MAPK8IP2: variants seen among roughly 807,000 people sequenced by gnomAD.
MAPK8IP2 encodes the protein C-Jun-amino-terminal kinase-interacting protein 2.
A neutral mutation model predicts 75.6 loss-of-function variants in MAPK8IP2; 15 were observed. That is an observed-to-expected ratio of 0.20 (90% CI 0.13 to 0.31). MAPK8IP2 has a LOEUF of 0.31. MAPK8IP2 is among the 10% of genes least tolerant of loss of function. The probability of loss-of-function intolerance (pLI) is 1.00; values close to 1 mark genes in which losing one functional copy is unlikely to be tolerated. For missense variants in MAPK8IP2, 1,089 were observed against 1,211.2 expected, an observed-to-expected ratio of 0.90 and a Z score of 1.50; for synonymous variants, 632 against 554.5, an observed-to-expected ratio of 1.14 and a Z score of -1.96.
At position 50,603,054 on chromosome 22, in the gene MAPK8IP2, T is replaced by C. The variant is rs916414587; in HGVS notation, c.172-169T>C. 3 of 1,416,682 alleles carry C rather than the reference T, an allele frequency of 2.1e-6. No individual in the cohort carries two copies. The Admixed American group carries it at 6.9e-5, about 32-fold the overall frequency. The allele number at this position is 1,416,682 out of a possible 1,614,324, so 87.8% of individuals were successfully genotyped here. A position where few individuals can be genotyped will look rare whatever the true frequency, so the allele number is the denominator to read the frequency against. On this transcript the variant is annotated intron_variant, in intron 2 of 11. Coordinates refer to ENST00000329492, the MANE Select transcript of MAPK8IP2 (RefSeq NM_012324.6). ...TTCCCAAGAACTGGAGTGATCCCAATGTGTGTTAGGCAGATTTTGAAAACA... is the reference window on the plus strand; with the variant it reads ...TTCCCAAGAACTGGAGTGATCCCAACGTGTGTTAGGCAGATTTTGAAAACA...
rs747214831 is a variant in MAPK8IP2 at position 50,610,065 on chromosome 22, A to C, written c.2304-147A>C. 4 of 725,678 alleles carry C rather than the reference A, an allele frequency of 5.5e-6. No homozygotes were observed. The East Asian group carries it at 1.1e-4, about 19-fold the overall frequency. The allele number at this position is 725,678 out of a possible 1,614,324, so 45.0% of individuals were successfully genotyped here. On this transcript the variant is annotated intron_variant, in intron 10 of 11. Transcript: ENST00000329492. The surrounding 1 kb of genome is among the most constrained non-coding windows in gnomAD (Gnocchi z 4.3). ...GCTGAAACCAAAAAAAGACAACTTC[A>C]GATCTTGAAATTGTGCGACCCCCAC... is the stretch of plus-strand genomic sequence containing the variant.
chr22:50,610,279 G>A lies in MAPK8IP2; in HGVS notation c.2371G>A (p.Glu791Lys), dbSNP rs2071126449. Reference protein sequence around the residue: ...RFACHVFVSQESMRPVAQSVG... With the variant: ...RFACHVFVSQKSMRPVAQSVG... Reference sequence around the variant, plus strand: ...CGCCTGCCACGTCTTTGTCTCCCAGGAGTCCATGAGGCCGGTGGCGCAGAG... The same window carrying A: ...CGCCTGCCACGTCTTTGTCTCCCAGAAGTCCATGAGGCCGGTGGCGCAGAG... Residue 791 changes from glutamate to lysine, a missense_variant, in exon 11 of 12, where the codon GAG becomes AAG. Physicochemically the swap from Glu to Lys is moderately conservative, Grantham distance 56 (BLOSUM62 1). Coordinates refer to ENST00000329492, the MANE Select transcript of MAPK8IP2 (RefSeq NM_012324.6). The surrounding 1 kb of genome is among the most constrained non-coding windows in gnomAD (Gnocchi z 4.3). The A allele has an allele frequency of 6.2e-7, 1 of 1,608,632 alleles. No individual in the cohort carries two copies. The highest frequency in any genetic ancestry group is 1.3e-5 in the African/African-American group (1 of 74,842).
At position 50,612,221 on chromosome 22, in the gene MAPK8IP2, A is replaced by T. The variant is rs547569175; in HGVS notation, c.*1442A>T. On this transcript the variant is annotated 3_prime_UTR_variant, in exon 12 of 12. Coordinates refer to ENST00000329492, the MANE Select transcript of MAPK8IP2 (RefSeq NM_012324.6). ...TACTTAGATCTTAAAATGGATATTT[A>T]AAAAATTCTCCAGAGAAAGCCAGAA... The T allele has an allele frequency of 6.6e-6, 1 of 152,320 alleles. No individual in the cohort carries two copies. The highest frequency in any genetic ancestry group is 2.4e-5 in the African/African-American group (1 of 41,558). The allele number at this position is 152,320 out of a possible 1,614,324, so 9.4% of individuals were successfully genotyped here.
Position 50,604,557 on chromosome 22 carries a change from C to T in MAPK8IP2, c.1258C>T (p.Pro420Ser). ...DMETLCAPPP[P>S]APAAPRPGPA... Reference sequence around the variant, plus strand: ...GGAGACGCTGTGCGCGCCGCCGCCGCCCGCGCCCGCCGCGCCTCGACCCGG... The same window carrying T: ...GGAGACGCTGTGCGCGCCGCCGCCGTCCGCGCCCGCCGCGCCTCGACCCGG... The change falls in exon 5 of 12, where the codon CCC becomes TCC. Residue 420 changes from proline to serine, a missense_variant. Around this residue, in one of 2 missense-constraint regions of MAPK8IP2, gnomAD observed 960 missense variants for 1,009.6 expected, o/e 0.95. Transcript: ENST00000329492. 1 of 1,160,656 alleles carries T rather than the reference C, an allele frequency of 8.6e-7. No homozygotes were observed. Among genetic ancestry groups the T allele is most frequent in the Non-Finnish European group, 1.1e-6 (1 of 946,586 alleles). 71.9% of individuals were successfully genotyped at this position (1,160,656 alleles called of 1,614,324 possible). A position where few individuals can be genotyped will look rare whatever the true frequency, so the allele number is the denominator to read the frequency against.
chr22:50,607,134 T>C lies in MAPK8IP2; in HGVS notation c.2303+143T>C. 1.4e-6 allele frequency: 1 copy of C among 691,194 alleles called. No individual in the cohort carries two copies. Among genetic ancestry groups the C allele is most frequent in the Non-Finnish European group, 2.6e-6 (1 of 387,686 alleles). The allele number at this position is 691,194 out of a possible 1,614,324, so 42.8% of individuals were successfully genotyped here. The stretch of plus-strand genomic sequence containing the variant: ...CCTGCACCCACTTAGCTCTGTGAGC[T>C]GAGCCTGCAGTGGCGCCTGCTCTGA... On this transcript the variant is annotated intron_variant, in intron 10 of 11. Coordinates refer to ENST00000329492, the MANE Select transcript of MAPK8IP2 (RefSeq NM_012324.6). This position sits in a 1 kb window ranked among gnomAD's most constrained non-coding sequence, Gnocchi z 5.6.
At chr22:50,601,972 T>G (rs935741539) in intron 2 of MAPK8IP2, 78 bp downstream of exon 2, 22 of 1,225,818 alleles carry the variant, frequency 1.8e-5, no homozygotes, top group Non-Finnish European at 2.3e-5. Flanking sequence ...ACTTGGGGTT[T>G]TAGGGTGGGT....
intron 10 of MAPK8IP2, among the ~76,000 whole-genome samples, chr22:50,608,684 A>G (rs375022740): frequency 1.8e-4 from 22 of 123,650 alleles, no homozygotes; most frequent in African/African-American, 4.1e-4. Context: ...ACCAGACAGC[A>G]GGGACAGCTC....
Position 50,603,234 on chromosome 22 carries a change from C to T in MAPK8IP2, c.183C>T (p.Ser61=), listed in dbSNP as rs41282359. Residue 61 remains serine (S), a synonymous_variant, in exon 3 of 12, where the codon TCC becomes TCT. Transcript: ENST00000329492. ...DSDHCEKDSL[S]LGRSEQPHPI... ...CCTCCGTCCTGCAGGACAGCCTCTC[C>T]CTGGGGCGCTCGGAGCAGCCGCACC... 6.2e-7 allele frequency: 1 copy of T among 1,610,246 alleles called. No individual in the cohort carries two copies. Among genetic ancestry groups the T allele is most frequent in the South Asian group, 1.1e-5 (1 of 90,660 alleles).
intron 10 of MAPK8IP2, among the ~76,000 whole-genome samples, chr22:50,608,460 C>T (rs1223274165): frequency 4.9e-5 from 5 of 101,326 alleles, no homozygotes; most frequent in Admixed American, 1.1e-4. Flanking sequence ...GACCAGACAG[C>T]AGGGACAGCT....
chr22:50,606,256 C>A (rs1254539572), intron 8 of MAPK8IP2, among the ~76,000 whole-genome samples: 1 of 152,210 alleles, frequency 6.6e-6, no homozygotes, highest in Non-Finnish European at 1.5e-5. Flanking sequence ...ACAGCCCCTT[C>A]CCTGGGAGCC....
chr22:50,604,849 A>T lies in MAPK8IP2; in HGVS notation c.1550A>T (p.Glu517Val). ...GTCAAGTACACGCTGGTGGTGGATG[A>T]GCACACGCAGCTGGAGCTGGTGAGC... ...DAVKYTLVVDEHTQLELVSLR... is the reference protein window; with the variant it reads ...DAVKYTLVVDVHTQLELVSLR... The change falls in exon 5 of 12, where the codon GAG (glutamate) becomes GTG (valine). Residue 517 changes from glutamate to valine, a missense_variant. Transcript: ENST00000329492. 1 of 1,590,582 alleles carries T rather than the reference A, an allele frequency of 6.3e-7. No individual in the cohort carries two copies. Among genetic ancestry groups the T allele is most frequent in the Non-Finnish European group, 8.5e-7 (1 of 1,170,360 alleles).
chr22:50,610,182 G>A lies in MAPK8IP2; in HGVS notation c.2304-30G>A, dbSNP rs1261255627. 1 of 1,548,872 alleles carries A rather than the reference G, an allele frequency of 6.5e-7. No homozygotes were observed. The highest frequency in any genetic ancestry group is 2.3e-5 in the East Asian group (1 of 42,938). Reference sequence around the variant, plus strand: ...GTGGCCAAGGCTGGGCCAGGGCTCTGACGTGCCCTCCACACTGACTTGCCC... The same window carrying A: ...GTGGCCAAGGCTGGGCCAGGGCTCTAACGTGCCCTCCACACTGACTTGCCC... On this transcript the variant is annotated intron_variant, in intron 10 of 11. Coordinates refer to ENST00000329492, the MANE Select transcript of MAPK8IP2 (RefSeq NM_012324.6). This position sits in a 1 kb window ranked among gnomAD's most constrained non-coding sequence, Gnocchi z 4.3.
rs537105997 is a variant in MAPK8IP2 at position 50,607,406 on chromosome 22, G to A, written c.2303+415G>A. 2.6e-5 allele frequency among the ~76,000 whole-genome samples: 4 copies of A among 152,250 alleles called. No individual in the cohort carries two copies. Among genetic ancestry groups the A allele is most frequent in the Non-Finnish European group, 4.4e-5 (3 of 67,996 alleles). On this transcript the variant is annotated intron_variant, in intron 10 of 11. Transcript: ENST00000329492. The surrounding 1 kb of genome is among the most constrained non-coding windows in gnomAD (Gnocchi z 5.6). ...GGGCTATATAGGCTCTGGGGCCCGCGTGTAAGGGGAGCAGCTAGAAATGCC... is the reference window on the plus strand; with the variant it reads ...GGGCTATATAGGCTCTGGGGCCCGCATGTAAGGGGAGCAGCTAGAAATGCC...
At chr22:50,608,498 A>AAC (rs2071088694) in intron 10 of MAPK8IP2, among the ~76,000 whole-genome samples, 1 of 126,832 alleles carries the variant, frequency 7.9e-6, no homozygotes, top group East Asian at 2.4e-4. Context: ...GACAGCGGGC[A>AAC]GGGGCGCAGA....
In MAPK8IP2 at chr22:50,604,470, G is replaced by T; in HGVS notation, c.1171G>T (p.Ala391Ser). The change falls in exon 5 of 12, where the codon GCC becomes TCC. Residue 391 changes from alanine to serine, a missense_variant. Around this residue, in one of 2 missense-constraint regions of MAPK8IP2, gnomAD observed 960 missense variants for 1,009.6 expected, o/e 0.95. Coordinates refer to ENST00000329492, the MANE Select transcript of MAPK8IP2 (RefSeq NM_012324.6). The part of the protein sequence containing the change: ...GEPVSPAGGA[A>S]QDSQDPEAAA... ...GCCCGTGTCGCCGGCCGGCGGGGCCGCCCAGGACTCCCAGGACCCCGAGGC... is the reference window on the plus strand; with the variant it reads ...GCCCGTGTCGCCGGCCGGCGGGGCCTCCCAGGACTCCCAGGACCCCGAGGC... 1 of 1,352,738 alleles carries T rather than the reference G, an allele frequency of 7.4e-7. No homozygotes were observed. Among genetic ancestry groups the T allele is most frequent in the Non-Finnish European group, 9.5e-7 (1 of 1,057,718 alleles). The allele number at this position is 1,352,738 out of a possible 1,614,324, so 83.8% of individuals were successfully genotyped here.
At position 50,604,725 on chromosome 22, in the gene MAPK8IP2, G is replaced by A; in HGVS notation, c.1426G>A (p.Asp476Asn). 1.3e-6 allele frequency: 2 copies of A among 1,535,368 alleles called. No individual in the cohort carries two copies. Among genetic ancestry groups the A allele is most frequent in the Non-Finnish European group, 1.8e-6 (2 of 1,142,056 alleles). Residue 476 changes from aspartate (D) to asparagine (N), a missense_variant, in exon 5 of 12, where the codon GAC becomes AAC. Coordinates refer to ENST00000329492, the MANE Select transcript of MAPK8IP2 (RefSeq NM_012324.6). Reference sequence around the variant, plus strand: ...CTCCGAGGAGGAGGACGAAGAGGACGACGAGGAAGAGGAGGATGCCGAGGA... The same window carrying A: ...CTCCGAGGAGGAGGACGAAGAGGACAACGAGGAAGAGGAGGATGCCGAGGA... The part of the protein sequence containing the change: ...ACSEEEDEED[D>N]EEEEDAEDSA...
At chr22:50,602,379 G>T (rs534088195) in intron 2 of MAPK8IP2, among the ~76,000 whole-genome samples, 1 of 152,216 alleles carries the variant, frequency 6.6e-6, no homozygotes, top group Non-Finnish European at 1.5e-5. Flanking sequence ...GAACATTTCT[G>T]AGCAACTGCC....
At position 50,610,230 on chromosome 22, in the gene MAPK8IP2, C is replaced by G; in HGVS notation, c.2322C>G (p.Thr774=). ...CCCGCAGCTATTTCGGCTTCATCACCAAACACCCCCTGCTGAGCCGCTTCG... is the reference window on the plus strand; with the variant it reads ...CCCGCAGCTATTTCGGCTTCATCACGAAACACCCCCTGCTGAGCCGCTTCG... ...PRNSCYFGFI[T]KHPLLSRFAC... is the part of the protein sequence containing the mutation. The change falls in exon 11 of 12, where the codon ACC becomes ACG. Residue 774 remains threonine (T), a synonymous_variant. Transcript: ENST00000329492. The surrounding 1 kb of genome is among the most constrained non-coding windows in gnomAD (Gnocchi z 4.3). 1 of 1,602,426 alleles carries G rather than the reference C, an allele frequency of 6.2e-7. No individual in the cohort carries two copies. Among genetic ancestry groups the G allele is most frequent in the Non-Finnish European group, 8.5e-7 (1 of 1,174,972 alleles).
chr22:50,608,873 C>T (rs1238297445), intron 10 of MAPK8IP2, among the ~76,000 whole-genome samples: 1 of 151,698 alleles, frequency 6.6e-6, no homozygotes, highest in Non-Finnish European at 1.5e-5. Context: ...ACTGGGACAG[C>T]GGACGCTGCC....
Sources: gnomAD v4.1 joint callset for allele counts (sites outside exome capture counted in the v4.1 genomes callset) on GRCh38, gnomAD v4.1.1 for gene constraint, gnomAD v4.1.1 regional missense constraint, Gnocchi (gnomAD v3.1) non-coding constraint, MANE v1.5 for transcripts, NCBI Gene and HGNC (gene_info 2026-07-23, HGNC 2026-07-21) for gene names.